Variants in ERI2 observed in about 807,000 individuals in gnomAD.
The protein encoded by ERI2 is ERI1 exoribonuclease 2.
A neutral mutation model predicts 46.8 loss-of-function variants in ERI2; 35 were observed. The observed-to-expected ratio is 0.75, with a 90% CI of 0.57 to 0.99. The LOEUF (loss-of-function observed/expected upper bound fraction) is 0.99, where lower values mean the gene tolerates loss of function less well. Ranked by LOEUF, ERI2 falls within the 50% of genes least tolerant of loss-of-function variation. The pLI, the probability that ERI2 is intolerant of heterozygous loss-of-function variation, is 0.00. For missense variants in ERI2, 695 were observed against 796.2 expected, an observed-to-expected ratio of 0.87 and a Z score of 1.53; for synonymous variants, 224 against 271.0, an observed-to-expected ratio of 0.83 and a Z score of 1.70.
At chr16:20,781,124 C>A in intron 10 of ERI2, 2 of 1,613,900 alleles carry the variant, frequency 1.2e-6, no homozygotes, top group Non-Finnish European at 1.7e-6. Flanking sequence ...CGACTTCTAT[C>A]TTGCAAGTAA....
chr16:20,801,150 AC>A, intron 5 of ERI2, 52 bp downstream of exon 5: 1 of 1,402,362 alleles, frequency 7.1e-7, no homozygotes, highest in Non-Finnish European at 9.5e-7. Flanking sequence ...ATAAAGAATT[AC>A]ATAGTGGTAA....
rs1270460428 is a variant in ERI2 at position 20,790,728 on chromosome 16, C to T, written c.815+122G>A. On this transcript the variant is annotated intron_variant, in intron 9 of 10. Transcript: ENST00000300005. The surrounding 1 kb of genome is among the most constrained non-coding windows in gnomAD (Gnocchi z 4.0). ...AAATAATCTCATTTTCTATTTATTT[C>T]TCAAGTGCTTGGTAACAATCCCTGT... The T allele has an allele frequency of 2.2e-5, 36 of 1,613,790 alleles. No individual in the cohort carries two copies. Among genetic ancestry groups the T allele is most frequent in the Non-Finnish European group, 2.9e-5 (34 of 1,179,854 alleles).
At chr16:20,784,735 G>C (rs1411773338) in intron 10 of ERI2, 1 of 199,320 alleles carries the variant, frequency 5.0e-6, no homozygotes, top group Non-Finnish European at 1.0e-5. Flanking sequence ...AGAAAAACTA[G>C]TATTTGGGGT....
At chr16:20,799,714 G>T (rs1173225114) in intron 7 of ERI2, 2 of 479,470 alleles carry the variant, frequency 4.2e-6, no homozygotes, top group African/African-American at 4.0e-5. Flanking sequence ...ATCTCCATTT[G>T]ATTTGGCTCA....
chr16:20,806,421 T>C lies in ERI2; in HGVS notation c.10A>G (p.Lys4Glu), dbSNP rs886848214. The change falls in exon 1 of 9, where the codon AAG (lysine) becomes GAG (glutamate). Residue 4 changes from lysine (K) to glutamate (E), a missense_variant. Lys to Glu is a moderately conservative substitution (Grantham distance 56). Coordinates refer to ENST00000357967, the MANE Select transcript of ERI2 (RefSeq NM_001142725.2). The part of the protein sequence containing the change: MAT[K>E]RLARQLGLIR... ...TCCCTCGAGTACCGCGCGAGCCGCT[T>C]GGTCGCCATTCCCGACACTCCTTGC... 3 of 1,552,824 alleles carry C rather than the reference T, an allele frequency of 1.9e-6. No individual in the cohort carries two copies. In the African/African-American group the frequency reaches 4.1e-5, roughly 21 times the overall value.
downstream of ERI2, among the ~76,000 whole-genome samples, chr16:20,795,241 G>A (rs1234859125): frequency 1.3e-5 from 2 of 151,986 alleles, no homozygotes; most frequent in Admixed American, 6.6e-5. Context: ...GTCTGCTCTC[G>A]AACTCCTGGG....
At chr16:20,787,407 A>G (rs1567359866) in intron 10 of ERI2, among the ~76,000 whole-genome samples, 2 of 152,234 alleles carry the variant, frequency 1.3e-5, no homozygotes, top group Non-Finnish European at 2.9e-5. Flanking sequence ...CAGCAAAAAT[A>G]TGGATGAATT....
At chr16:20,801,640 CATT>C (rs1444371516) in intron 4 of ERI2, among the ~76,000 whole-genome samples, 1 of 152,200 alleles carries the variant, frequency 6.6e-6, no homozygotes, top group East Asian at 1.9e-4. Context: ...GAAATATGAT[CATT>C]AAGTCCAGAC....
Position 20,789,635 on chromosome 16 carries a change from G to A in ERI2, c.816-78C>T, listed in dbSNP as rs1027081551. ...AGATAATCAAGACCTATTGCTAAAT[G>A]ATAAAAGCAGGTTGGCAAAACTGTA... is the stretch of plus-strand genomic sequence containing the variant. On this transcript the variant is annotated intron_variant, in intron 9 of 10. Transcript: ENST00000300005. 24 of 904,600 alleles carry A rather than the reference G, an allele frequency of 2.7e-5. 1 individual carries two copies. In the South Asian group the frequency reaches 3.3e-4, roughly 12 times the overall value. The allele number at this position is 904,600 out of a possible 1,614,324, so 56.0% of individuals were successfully genotyped here.
intron 10 of ERI2, among the ~76,000 whole-genome samples, chr16:20,782,320 T>C (rs1219564618): frequency 6.6e-6 from 1 of 152,148 alleles, no homozygotes; most frequent in Non-Finnish European, 1.5e-5. Flanking sequence ...AGTGGTGACT[T>C]CTGAGATTTT....
chr16:20,795,659 T>C (rs2080707200), downstream of ERI2, among the ~76,000 whole-genome samples: 2 of 152,196 alleles, frequency 1.3e-5, no homozygotes, highest in East Asian at 1.9e-4. Context: ...CATCATTCCA[T>C]AGCCAGCTCC....
chr16:20,780,473 TA>T, exon 11 of ERI2: 1 of 733,758 alleles, frequency 1.4e-6, no homozygotes, highest in Non-Finnish European at 2.2e-6. Context: ...TATCATAGAA[TA>T]AAAAGCTAGG....
downstream of ERI2, among the ~76,000 whole-genome samples, chr16:20,794,422 T>C (rs954758018): frequency 3.9e-5 from 6 of 152,206 alleles, no homozygotes; most frequent in Non-Finnish European, 8.8e-5. Flanking sequence ...TCCAATGCGA[T>C]AGCCATGCAT....
Position 20,790,386 on chromosome 16 carries a change from G to C in ERI2, c.815+464C>G, listed in dbSNP as rs11864375. Among the ~76,000 whole-genome samples the C allele has an allele frequency of 0.022, 3,324 of 152,274 alleles. 136 individuals are homozygous for C. Among genetic ancestry groups the C allele is most frequent in the African/African-American group, 0.076 (3,162 of 41,552 alleles). Reference sequence around the variant, plus strand: ...GACTGTTTGAGACCAGAAGTTTGACGCTGCAGTGAGCTATGAGCTATGATT... The same window carrying C: ...GACTGTTTGAGACCAGAAGTTTGACCCTGCAGTGAGCTATGAGCTATGATT... On this transcript the variant is annotated intron_variant, in intron 9 of 10. Transcript: ENST00000300005. This position sits in a 1 kb window ranked among gnomAD's most constrained non-coding sequence, Gnocchi z 4.0.
chr16:20,795,497 C>G (rs897681982), downstream of ERI2, among the ~76,000 whole-genome samples: 1 of 152,168 alleles, frequency 6.6e-6, no homozygotes, highest in Non-Finnish European at 1.5e-5. Flanking sequence ...ATCTTTACTC[C>G]CAGATCAAAG....
intron 10 of ERI2, among the ~76,000 whole-genome samples, chr16:20,785,651 G>A (rs993050825): frequency 6.6e-6 from 1 of 152,088 alleles, no homozygotes; most frequent in Non-Finnish European, 1.5e-5. Context: ...GTAGAAGAGG[G>A]AGGAGTAAGA....
intron 10 of ERI2, chr16:20,785,066 A>C (rs749376809): frequency 1.2e-6 from 2 of 1,613,690 alleles, no homozygotes; most frequent in East Asian, 2.2e-5. Flanking sequence ...GAGAAACAAG[A>C]CGGGCCTGGA....
Position 20,806,423 on chromosome 16 carries a change from G to A in ERI2, c.8C>T (p.Thr3Ile), listed in dbSNP as rs770311024. ...CCTCGAGTACCGCGCGAGCCGCTTG[G>A]TCGCCATTCCCGACACTCCTTGCTT... MA[T>I]KRLARQLGLI... The change falls in exon 1 of 9, where the codon ACC (threonine) becomes ATC (isoleucine). Residue 3 changes from threonine (T) to isoleucine (I), a missense_variant. Transcript: ENST00000357967. 5.8e-6 allele frequency: 9 copies of A among 1,553,190 alleles called. No homozygotes were observed. Among genetic ancestry groups the A allele is most frequent in the African/African-American group, 2.7e-5 (2 of 73,264 alleles).
chr16:20,792,069 T>G, downstream of ERI2: 1 of 1,614,170 alleles, frequency 6.2e-7, no homozygotes, highest in Non-Finnish European at 8.5e-7. Context: ...AGAGGATATA[T>G]GGATAAAGAT....
Sources: gnomAD v4.1 joint callset for allele counts (sites outside exome capture counted in the v4.1 genomes callset) on GRCh38, gnomAD v4.1.1 for gene constraint, Gnocchi (gnomAD v3.1) non-coding constraint, MANE v1.5 for transcripts, NCBI Gene and HGNC (gene_info 2026-07-23, HGNC 2026-07-21) for gene names.